The following TPPP variants were observed in gnomAD, a reference collection of about 807,000 sequenced individuals.
The protein encoded by TPPP is tubulin polymerization-promoting protein.
Under a neutral mutation model 15.5 loss-of-function variants are expected in TPPP, and 6 were observed. The observed-to-expected ratio is 0.39, with a 90% CI of 0.21 to 0.77. The LOEUF (loss-of-function observed/expected upper bound fraction) is 0.77. TPPP is among the 30% of genes least tolerant of loss of function. TPPP has a pLI of 0.42. For synonymous variants in TPPP, 146 were observed against 133.9 expected, an observed-to-expected ratio of 1.09 and a Z score of -0.63; for missense variants, 269 against 307.2, an observed-to-expected ratio of 0.88 and a Z score of 0.93.
intron 2 of TPPP, among the ~76,000 whole-genome samples, chr5:671,111 C>T (rs934667025): frequency 6.6e-6 from 1 of 152,216 alleles, no homozygotes; most frequent in Admixed American, 6.5e-5. Context: ...GCCTGAGCTC[C>T]GGAGGTCTGG....
At position 668,423 on chromosome 5, in the gene TPPP, CGCGTGGGCGCCGTCAGGGAAGTGCG is replaced by C. The variant is rs772350516; in HGVS notation, c.312-2325_312-2301del. On this transcript the variant is annotated intron_variant, in intron 2 of 3. Transcript: ENST00000360578. Reference sequence around the variant, plus strand: ...ACCGACAAGCACACAGAGAGGGGGCCGCGTGGGCGCCGTCAGGGAAGTGCGGACAAGCACACGGAGAGGGGGCCGC... The same window carrying C: ...ACCGACAAGCACACAGAGAGGGGGCCGACAAGCACACGGAGAGGGGGCCGC... Among the ~76,000 whole-genome samples the C allele has an allele frequency of 4.0e-3, 507 of 125,810 alleles. 17 individuals are homozygous for C. Among genetic ancestry groups the C allele is most frequent in the African/African-American group, 0.014 (489 of 34,346 alleles). The allele number at this position is 125,810 out of a possible 152,430, so 82.5% of individuals were successfully genotyped here. A position where few individuals can be genotyped will look rare whatever the true frequency, so the allele number is the denominator to read the frequency against.
chr5:681,332 G>C (rs1740614886), intron 1 of TPPP, among the ~76,000 whole-genome samples: 1 of 152,162 alleles, frequency 6.6e-6, no homozygotes, highest in Admixed American at 6.5e-5. Context: ...CAAAGGACAA[G>C]CTCCCAGGCG....
rs1269594902 is a variant in TPPP, at chr5:665,183, C to T, written c.579G>A (p.Val193=). 5 of 1,613,800 alleles carry T rather than the reference C, an allele frequency of 3.1e-6. No homozygotes were observed. The highest frequency in any genetic ancestry group is 2.2e-5 in the South Asian group (2 of 91,088). The part of the protein sequence containing the change: ...SGKGKGKAGR[V]DLVDESGYVS... ...CATAGCCTGACTCGTCCACCAGATC[C>T]ACGCGGCCAGCCTTGCCCTTGCCCT... The change falls in exon 4 of 4, where the codon GTG becomes GTA. Residue 193 remains valine (V), a synonymous_variant. Transcript: ENST00000360578.
chr5:686,200 C>T (rs1481558347), intron 1 of TPPP, among the ~76,000 whole-genome samples: 4 of 152,348 alleles, frequency 2.6e-5, no homozygotes, highest in South Asian at 2.1e-4. Flanking sequence ...ATAGAGATCC[C>T]GGCTGGCTCA....
At chr5:668,459 C>T (rs1354508657) in intron 2 of TPPP, among the ~76,000 whole-genome samples, 6 of 110,240 alleles carry the variant, frequency 5.4e-5, no homozygotes, top group African/African-American at 9.6e-5. Context: ...GACAAGCACA[C>T]GGAGAGGGGG....
In TPPP at chr5:666,026, C is replaced by T. The variant is rs749121992; in HGVS notation, c.409G>A (p.Val137Ile). 5.2e-5 allele frequency: 83 copies of T among 1,608,998 alleles called. No homozygotes were observed. Among genetic ancestry groups the T allele is most frequent in the Non-Finnish European group, 6.8e-5 (80 of 1,178,864 alleles). ...RFKDKSSEEA[V>I]REVHRLIEGK... ...TCGATGAGCCTGTGCACCTCGCGAA[C>T]GGCCTCCTCGCTGCTCTTGTCTTTG... is the stretch of plus-strand genomic sequence containing the variant. Residue 137 changes from valine (V) to isoleucine (I), a missense_variant, in exon 3 of 4, where the codon GTT (valine) becomes ATT (isoleucine). Physicochemically the swap from Val to Ile is conservative, Grantham distance 29. Coordinates refer to ENST00000360578, the MANE Select transcript of TPPP (RefSeq NM_007030.3).
intron 1 of TPPP, among the ~76,000 whole-genome samples, chr5:681,640 C>T (rs950042467): frequency 3.3e-5 from 5 of 152,188 alleles, no homozygotes; most frequent in African/African-American, 1.2e-4. Flanking sequence ...GGGGCCTGGC[C>T]AGGACCTGCT....
intron 3 of TPPP, 55 bp from the exon 4 acceptor site, chr5:665,351 G>A: frequency 1.3e-6 from 2 of 1,535,650 alleles, no homozygotes; most frequent in Admixed American, 1.9e-5. Flanking sequence ...GGTGAGGCCA[G>A]CAAGTGAAAT....
At chr5:683,369 C>T (rs1740680101) in intron 1 of TPPP, among the ~76,000 whole-genome samples, 1 of 152,190 alleles carries the variant, frequency 6.6e-6, no homozygotes, top group Admixed American at 6.5e-5. Flanking sequence ...AGGCTGGGAG[C>T]ATCAGGCACG....
the TPPP span, among the ~76,000 whole-genome samples, chr5:699,242 A>G: frequency 6.6e-6 from 1 of 152,238 alleles, no homozygotes. Flanking sequence ...AAATTATACT[A>G]CAAGGGTATG....
rs1451236937 is a variant in TPPP, at chr5:660,710, G to A, written c.*4392C>T. On this transcript the variant is annotated 3_prime_UTR_variant, in exon 4 of 4. Transcript: ENST00000360578. ...TCCACTTGTACAGCAGGAGCCACAGGCCTGTGTGAAAACACAGGACAGGCC... is the reference window on the plus strand; with the variant it reads ...TCCACTTGTACAGCAGGAGCCACAGACCTGTGTGAAAACACAGGACAGGCC... The A allele has an allele frequency of 1.3e-5, 2 of 152,298 alleles. No homozygotes were observed. The highest frequency in any genetic ancestry group is 2.4e-5 in the African/African-American group (1 of 41,444). The allele number at this position is 152,298 out of a possible 1,614,324, so 9.4% of individuals were successfully genotyped here. A position where few individuals can be genotyped will look rare whatever the true frequency, so the allele number is the denominator to read the frequency against.
intron 2 of TPPP, among the ~76,000 whole-genome samples, chr5:667,730 C>A (rs1246345224): frequency 6.6e-6 from 1 of 151,086 alleles, no homozygotes; most frequent in Non-Finnish European, 1.5e-5. Flanking sequence ...AAAAGACGGG[C>A]AGAATATTTG....
At chr5:699,508 T>C in the TPPP span, among the ~76,000 whole-genome samples, 2 of 152,106 alleles carry the variant, frequency 1.3e-5, no homozygotes, top group Admixed American at 6.5e-5. Context: ...CCAAACACTA[T>C]AAAAATCCTA....
Position 666,129 on chromosome 5 carries a change from G to GGGGCACAGGCGACTTA in TPPP, c.312-22_312-7dup, listed in dbSNP as rs57043325. On this transcript the variant is annotated splice_polypyrimidine_tract_variant and splice_region_variant and intron_variant, in intron 2 of 3. Coordinates refer to ENST00000360578, the MANE Select transcript of TPPP (RefSeq NM_007030.3). ...TGGTCCGGCAAGACTTCCCTCTACA[G>GGGGCACAGGCGACTTA]GGGCACAGGCGACTTAGGGCTGGGC... The GGGGCACAGGCGACTTA allele has an allele frequency of 0.31, 496,328 of 1,605,486 alleles. 78,558 individuals are homozygous for GGGGCACAGGCGACTTA. The highest frequency in any genetic ancestry group is 0.39 in the Admixed American group (23,412 of 59,792).
At chr5:672,650 C>T (rs758151088) in intron 2 of TPPP, among the ~76,000 whole-genome samples, 35 of 152,238 alleles carry the variant, frequency 2.3e-4, no homozygotes, top group Non-Finnish European at 4.6e-4. Context: ...CCTGAGGCAC[C>T]CATGGCATGG....
intron 1 of TPPP, among the ~76,000 whole-genome samples, chr5:681,202 C>G (rs377124406): frequency 3.9e-5 from 6 of 152,184 alleles, no homozygotes; most frequent in African/African-American, 1.4e-4. Flanking sequence ...CACAGCACAC[C>G]TGAGCCCTGG....
Position 661,923 on chromosome 5 carries a change from C to CT in TPPP, c.*3178dup, listed in dbSNP as rs1739628802. 6.6e-6 allele frequency: 1 copy of CT among 152,372 alleles called. No homozygotes were observed. Among genetic ancestry groups the CT allele is most frequent in the South Asian group, 2.1e-4 (1 of 4,834 alleles). 9.4% of individuals were successfully genotyped at this position (152,372 alleles called of 1,614,324 possible). ...AGGGCCGCTGGGGGAGGGCGTGCCT[C>CT]TAACTCGTGGGCACCAACCCTGGAA... On this transcript the variant is annotated 3_prime_UTR_variant, in exon 4 of 4. Transcript: ENST00000360578.
Position 661,695 on chromosome 5 carries a change from A to C in TPPP, c.*3407T>G, listed in dbSNP as rs1202015845. The C allele has an allele frequency of 2.6e-5, 4 of 152,380 alleles. No homozygotes were observed. Among genetic ancestry groups the C allele is most frequent in the African/African-American group, 9.6e-5 (4 of 41,452 alleles). 9.4% of individuals were successfully genotyped at this position (152,380 alleles called of 1,614,324 possible). A position where few individuals can be genotyped will look rare whatever the true frequency, so the allele number is the denominator to read the frequency against. ...CGTCCAAACAATGTTCTGTGTTCGG[A>C]GGCGGCACACAGATGCAATTACGGA... is the stretch of plus-strand genomic sequence containing the variant. On this transcript the variant is annotated 3_prime_UTR_variant, in exon 4 of 4. Coordinates refer to ENST00000360578, the MANE Select transcript of TPPP (RefSeq NM_007030.3).
chr5:676,836 GCA>G (rs141009079), intron 2 of TPPP, among the ~76,000 whole-genome samples: 33,770 of 151,050 alleles, frequency 0.22, 8,162 homozygotes, highest in African/African-American at 0.61. Context: ...GCGCACACGT[GCA>G]CACACGACAC....
Sources: gnomAD v4.1 joint callset for allele counts (sites outside exome capture counted in the v4.1 genomes callset) on GRCh38, gnomAD v4.1.1 for gene constraint, MANE v1.5 for transcripts, NCBI Gene and HGNC (gene_info 2026-07-23, HGNC 2026-07-21) for gene names.